SYNDIG1L: variants seen among roughly 807,000 people sequenced by gnomAD.
SYNDIG1L encodes synapse differentiation-inducing gene protein 1-like.
In SYNDIG1L, 13 loss-of-function variants were observed where a neutral mutation model predicts 20.1. The ratio of observed to expected loss-of-function variants is 0.65; its 90% CI spans 0.42 to 1.03. The LOEUF (loss-of-function observed/expected upper bound fraction) is 1.03. Among genes scored for constraint, SYNDIG1L ranks in the 50% least tolerant of loss-of-function variants. The probability of loss-of-function intolerance (pLI) is 0.00; values close to 1 mark genes in which losing one functional copy is unlikely to be tolerated. For missense variants in SYNDIG1L, 294 were observed against 305.1 expected, an observed-to-expected ratio of 0.96 and a Z score of 0.27; for synonymous variants, 128 against 129.3, an observed-to-expected ratio of 0.99 and a Z score of 0.07.
At chr14:74,432,474 T>C in the SYNDIG1L span, among the ~76,000 whole-genome samples, 1 of 152,134 alleles carries the variant, frequency 6.6e-6, no homozygotes, top group Non-Finnish European at 1.5e-5. Context: ...CTCTGTCATG[T>C]CAATGAGAAT....
chr14:74,455,572 A>G, the SYNDIG1L span, among the ~76,000 whole-genome samples: 2 of 151,992 alleles, frequency 1.3e-5, no homozygotes, highest in Non-Finnish European at 2.9e-5. Context: ...GGCGCCTGCC[A>G]CCACGCCTGG....
chr14:74,437,756 C>T, the SYNDIG1L span, among the ~76,000 whole-genome samples: 12 of 152,294 alleles, frequency 7.9e-5, no homozygotes, highest in Admixed American at 7.8e-4. Flanking sequence ...TTGCATTTCT[C>T]AGGCAAGCTT....
At chr14:74,440,516 T>TTAAAAA in the SYNDIG1L span, among the ~76,000 whole-genome samples, 1 of 97,242 alleles carries the variant, frequency 1.0e-5, no homozygotes, top group South Asian at 3.7e-4. Context: ...CTCCGTCTCA[T>TTAAAAA]AAAAAAAAAA....
chr14:74,474,197 T>G, the SYNDIG1L span: 1 of 152,184 alleles, frequency 6.6e-6, no homozygotes, highest in African/African-American at 2.4e-5. Context: ...CTGAAAGAGG[T>G]TAAATGGTTG....
the SYNDIG1L span, among the ~76,000 whole-genome samples, chr14:74,436,967 C>T: frequency 3.3e-5 from 5 of 152,034 alleles, no homozygotes; most frequent in African/African-American, 9.7e-5. Flanking sequence ...CGTATTTTCC[C>T]TCCCATAGCA....
chr14:74,443,692 C>CTT, the SYNDIG1L span, among the ~76,000 whole-genome samples: 25 of 152,188 alleles, frequency 1.6e-4, no homozygotes, highest in African/African-American at 6.0e-4. Flanking sequence ...ATTAATGAGA[C>CTT]ATATTCTACA....
At chr14:74,455,973 T>A in the SYNDIG1L span, among the ~76,000 whole-genome samples, 3 of 152,214 alleles carry the variant, frequency 2.0e-5, no homozygotes, top group African/African-American at 7.2e-5. Context: ...CAAAGTGAAA[T>A]AACTTGCCTA....
At chr14:74,437,235 AG>A in the SYNDIG1L span, among the ~76,000 whole-genome samples, 1 of 152,222 alleles carries the variant, frequency 6.6e-6, no homozygotes, top group Non-Finnish European at 1.5e-5. Context: ...TTTCAGTGAC[AG>A]GGGACTCAAA....
chr14:74,464,039 A>G, the SYNDIG1L span, among the ~76,000 whole-genome samples: 2 of 152,210 alleles, frequency 1.3e-5, no homozygotes, highest in East Asian at 1.9e-4. Flanking sequence ...GTCCATTTCC[A>G]GCAATGGGGT....
upstream of SYNDIG1L, among the ~76,000 whole-genome samples, chr14:74,430,782 C>CA (rs1025250816): frequency 6.6e-6 from 1 of 151,828 alleles, no homozygotes; most frequent in Non-Finnish European, 1.5e-5. Flanking sequence ...TTTTTTGAGA[C>CA]AGAGTCTTAC....
the SYNDIG1L span, among the ~76,000 whole-genome samples, chr14:74,464,150 G>C: frequency 6.6e-6 from 1 of 152,174 alleles, no homozygotes; most frequent in Non-Finnish European, 1.5e-5. Context: ...CCTGAAAGAG[G>C]CCAGAGGGTA....
chr14:74,407,722 G>C lies in SYNDIG1L; in HGVS notation c.559-29C>G, dbSNP rs576300142. The C allele has an allele frequency of 1.4e-4, 224 of 1,584,560 alleles. 1 individual carries two copies. In the South Asian group the frequency reaches 2.5e-3, roughly 18 times the overall value. On this transcript the variant is annotated intron_variant, in intron 3 of 3. Transcript: ENST00000331628. ...GGGAGAGAGACATGCTGATGAACAG[G>C]AGTGTCCCCACACCCAGCCAAACAG...
chr14:74,469,927 G>A, the SYNDIG1L span, among the ~76,000 whole-genome samples: 4 of 152,234 alleles, frequency 2.6e-5, no homozygotes, highest in East Asian at 3.9e-4. Context: ...TCTGCTTTTC[G>A]TGACAAAGAC....
the SYNDIG1L span, among the ~76,000 whole-genome samples, chr14:74,438,906 T>G: frequency 6.6e-6 from 1 of 152,146 alleles, no homozygotes; most frequent in Non-Finnish European, 1.5e-5. Flanking sequence ...TGAAGTCAGG[T>G]GTTCAAGACC....
the SYNDIG1L span, among the ~76,000 whole-genome samples, chr14:74,452,868 G>T: frequency 1.3e-5 from 2 of 152,076 alleles, no homozygotes; most frequent in Admixed American, 1.3e-4. Context: ...AATAAAATAC[G>T]ATATATCCAT....
chr14:74,417,023 A>G (rs185031128), intron 1 of SYNDIG1L, among the ~76,000 whole-genome samples: 71 of 152,314 alleles, frequency 4.7e-4, no homozygotes, highest in Non-Finnish European at 8.4e-4. Flanking sequence ...TGTATCAGCT[A>G]CCATTATTGG....
chr14:74,455,704 C>A, the SYNDIG1L span, among the ~76,000 whole-genome samples: 5 of 152,224 alleles, frequency 3.3e-5, no homozygotes, highest in African/African-American at 1.2e-4. Flanking sequence ...CAGGCGTGAG[C>A]CGCAGTGCCC....
chr14:74,420,274 T>C (rs1458234436), intron 1 of SYNDIG1L, among the ~76,000 whole-genome samples: 1 of 150,946 alleles, frequency 6.6e-6, no homozygotes, highest in Non-Finnish European at 1.5e-5. Context: ...CGTGCACCTG[T>C]AATCCCAGCT....
upstream of SYNDIG1L, among the ~76,000 whole-genome samples, chr14:74,429,427 T>C (rs1463257781): frequency 6.6e-6 from 1 of 152,242 alleles, no homozygotes; most frequent in Non-Finnish European, 1.5e-5. Context: ...GCATAAACTC[T>C]TGGTTCTTTT....
Sources: allele counts gnomAD v4.1 joint callset (sites outside exome capture counted in the v4.1 genomes callset), GRCh38; gene constraint gnomAD v4.1.1; transcripts MANE v1.5; gene names NCBI Gene and HGNC (gene_info 2026-07-23, HGNC 2026-07-21).